Variants in NALF1 observed in about 807,000 individuals in gnomAD.
The protein encoded by NALF1 is family with sequence similarity 155 member A.
In NALF1, 3 loss-of-function variants were observed where a neutral mutation model predicts 48.4. The ratio of observed to expected loss-of-function variants is 0.06; its 90% CI spans 0.03 to 0.16. The LOEUF (loss-of-function observed/expected upper bound fraction) is 0.16, where lower values mean the gene tolerates loss of function less well. NALF1 is among the 10% of genes least tolerant of loss of function. NALF1 has a pLI of 1.00. For missense variants in NALF1, 526 were observed against 571.5 expected (o/e 0.92, Z 0.81); for synonymous variants, 262 against 245.7 (o/e 1.07, Z -0.62).
At chr13:107,448,942 C>T (rs1399947365) in intron 1 of NALF1, among the ~76,000 whole-genome samples, 1 of 152,138 alleles carries the variant, frequency 6.6e-6, no homozygotes, top group South Asian at 2.1e-4. Flanking sequence ...CAGAGCTATG[C>T]TGTCAGAACA....
At chr13:107,209,643 T>C (rs1879718819) in intron 2 of NALF1, among the ~76,000 whole-genome samples, 1 of 152,210 alleles carries the variant, frequency 6.6e-6, no homozygotes, top group Non-Finnish European at 1.5e-5. Flanking sequence ...TAAATTCTCA[T>C]GTTGAGCATC....
At chr13:107,349,855 A>G (rs140002052) in intron 1 of NALF1, among the ~76,000 whole-genome samples, 20 of 152,092 alleles carry the variant, frequency 1.3e-4, no homozygotes, top group African/African-American at 4.6e-4. Context: ...CCTTGTTTAT[A>G]TTCTCTATTG....
Position 107,866,966 on chromosome 13 carries a change from G to C in NALF1, c.-370C>G, listed in dbSNP as rs1880756837. On this transcript the variant is annotated 5_prime_UTR_variant, in exon 1 of 3. Coordinates refer to ENST00000375915, the MANE Select transcript of NALF1 (RefSeq NM_001080396.3). The surrounding 1 kb of genome is among the most constrained non-coding windows in gnomAD (Gnocchi z 4.4). ...TGGCCGGCGGCGAGGCTGGGTGCAG[G>C]GGGCGATGGTGGAGGTGACAGGGTG... Among the ~76,000 whole-genome samples the C allele has an allele frequency of 6.6e-6, 1 of 151,914 alleles. No homozygotes were observed. The highest frequency in any genetic ancestry group is 1.5e-5 in the Non-Finnish European group (1 of 67,958).
intron 1 of NALF1, among the ~76,000 whole-genome samples, chr13:107,860,383 G>A (rs1011384597): frequency 1.3e-5 from 2 of 152,162 alleles, no homozygotes; most frequent in African/African-American, 4.8e-5. Flanking sequence ...GAGCTGAAAG[G>A]TCATTCTATA....
chr13:107,389,588 T>G (rs1020256981), intron 1 of NALF1, among the ~76,000 whole-genome samples: 12 of 152,128 alleles, frequency 7.9e-5, no homozygotes, highest in Non-Finnish European at 1.2e-4. Context: ...GCTACCAAGG[T>G]TGTGATACTT....
chr13:107,403,204 T>TTATTTTTA (rs1238507238), intron 1 of NALF1, among the ~76,000 whole-genome samples: 2 of 143,728 alleles, frequency 1.4e-5, no homozygotes, highest in African/African-American at 5.2e-5. Flanking sequence ...TTTTTTTTTT[T>TTATTTTTA]TTTTTTTTTT....
chr13:107,648,264 G>A (rs1005798782), intron 1 of NALF1, among the ~76,000 whole-genome samples: 8 of 152,082 alleles, frequency 5.3e-5, no homozygotes, highest in Non-Finnish European at 1.0e-4. Flanking sequence ...AATGCCCATC[G>A]TCATGGGTCC....
intron 1 of NALF1, among the ~76,000 whole-genome samples, chr13:107,851,805 C>CCTTTTTTTTTT (rs1555329721): frequency 9.6e-6 from 1 of 104,700 alleles, no homozygotes; most frequent in Non-Finnish European, 1.9e-5. Context: ...CAGGCCCTTT[C>CCTTTTTTTTTT]TTTTTTTTTT....
chr13:107,568,652 G>A (rs184664925), intron 1 of NALF1, among the ~76,000 whole-genome samples: 11 of 152,254 alleles, frequency 7.2e-5, no homozygotes, highest in Admixed American at 2.6e-4. Context: ...TAATAGATAT[G>A]TACTAATTTC....
chr13:107,836,992 T>A (rs1372009880), intron 1 of NALF1, among the ~76,000 whole-genome samples: 5 of 152,200 alleles, frequency 3.3e-5, no homozygotes, highest in Admixed American at 3.3e-4. Flanking sequence ...GGACAACTCT[T>A]AATCACAGTA....
At chr13:107,674,416 T>C (rs764747136) in intron 1 of NALF1, among the ~76,000 whole-genome samples, 11 of 152,208 alleles carry the variant, frequency 7.2e-5, no homozygotes, top group Non-Finnish European at 1.6e-4. Context: ...CACTCACAGG[T>C]CTTTGAATAT....
intron 1 of NALF1, among the ~76,000 whole-genome samples, chr13:107,261,562 C>T (rs181229625): frequency 9.8e-4 from 150 of 152,298 alleles, no homozygotes; most frequent in Non-Finnish European, 1.7e-3. Context: ...AGGTAAATCT[C>T]CGAACTACTG....
At chr13:107,358,858 C>A (rs940251842) in intron 1 of NALF1, among the ~76,000 whole-genome samples, 5 of 152,090 alleles carry the variant, frequency 3.3e-5, no homozygotes, top group African/African-American at 1.2e-4. Context: ...CCAAGCAATG[C>A]AGGAATGGTT....
intron 2 of NALF1, among the ~76,000 whole-genome samples, chr13:107,171,573 T>C (rs989545932): frequency 6.6e-6 from 1 of 152,210 alleles, no homozygotes; most frequent in African/African-American, 2.4e-5. Context: ...TTCCTTCCCT[T>C]TTTGTCTTCT....
intron 2 of NALF1, among the ~76,000 whole-genome samples, chr13:107,175,029 G>A (rs1171161521): frequency 2.4e-5 from 3 of 124,472 alleles, no homozygotes; most frequent in Non-Finnish European, 5.1e-5. Flanking sequence ...GACTACAGGC[G>A]CCCGCCACGA....
chr13:107,391,709 G>A (rs939311111), intron 1 of NALF1, among the ~76,000 whole-genome samples: 2 of 152,016 alleles, frequency 1.3e-5, no homozygotes, highest in Admixed American at 6.6e-5. Context: ...AAATTCAACC[G>A]TCAACCAGAA....
At chr13:107,446,305 T>A (rs1003815805) in intron 1 of NALF1, among the ~76,000 whole-genome samples, 5 of 152,150 alleles carry the variant, frequency 3.3e-5, no homozygotes, top group African/African-American at 4.8e-5. Context: ...ATCTTTTATG[T>A]TCTATTTCCT....
intron 1 of NALF1, among the ~76,000 whole-genome samples, chr13:107,641,855 C>T (rs1022955022): frequency 1.3e-5 from 2 of 152,126 alleles, no homozygotes; most frequent in African/African-American, 4.8e-5. Context: ...ACTTCTCAAG[C>T]GTTTCTGTAT....
chr13:107,380,921 A>T (rs1277026239), intron 1 of NALF1, among the ~76,000 whole-genome samples: 2 of 149,386 alleles, frequency 1.3e-5, no homozygotes, highest in African/African-American at 4.9e-5. Context: ...GAGCTTGCAG[A>T]GAGCAGAGAT....
Sources: gnomAD v4.1 joint callset for allele counts (sites outside exome capture counted in the v4.1 genomes callset) on GRCh38, gnomAD v4.1.1 for gene constraint, Gnocchi (gnomAD v3.1) non-coding constraint, MANE v1.5 for transcripts, NCBI Gene and HGNC (gene_info 2026-07-23, HGNC 2026-07-21) for gene names.